Variants in TAS2R1 observed in about 807,000 individuals in gnomAD.
TAS2R1 encodes taste receptor type 2 member 1.
For missense variants in TAS2R1, 370 were observed against 353.4 expected (o/e 1.05, Z -0.38); for synonymous variants, 141 against 134.2 (o/e 1.05, Z -0.35).
chr5:9,849,182 C>A, the TAS2R1 span, among the ~76,000 whole-genome samples: 3 of 152,190 alleles, frequency 2.0e-5, no homozygotes, highest in Non-Finnish European at 2.9e-5. Context: ...TGAAAAGACA[C>A]ATGGATCAGA....
At position 9,629,116 on chromosome 5, in the gene TAS2R1, C is replaced by G; in HGVS notation, c.*17G>C. ...ATCATTGAATCATGGGTTCTTTGAA[C>G]TGATCCAACTTCTCTCTCACTGACA... On this transcript the variant is annotated 3_prime_UTR_variant, in exon 1 of 1. Coordinates refer to ENST00000382492, the MANE Select transcript of TAS2R1 (RefSeq NM_019599.3). 1 of 1,528,006 alleles carries G rather than the reference C, an allele frequency of 6.5e-7. No homozygotes were observed. Among genetic ancestry groups the G allele is most frequent in the East Asian group, 2.3e-5 (1 of 44,290 alleles). The allele number at this position is 1,528,006 out of a possible 1,614,324, so 94.7% of individuals were successfully genotyped here.
intron 1 of TAS2R1, among the ~76,000 whole-genome samples, chr5:9,706,510 G>A (rs1579793554): frequency 6.6e-6 from 1 of 152,226 alleles, no homozygotes; most frequent in East Asian, 1.9e-4. Context: ...AGCACTGGTG[G>A]GGACCAGGCT....
chr5:9,681,173 C>G (rs1343260604), intron 1 of TAS2R1, among the ~76,000 whole-genome samples: 2 of 151,966 alleles, frequency 1.3e-5, no homozygotes, highest in East Asian at 3.8e-4. Context: ...ATAAATGAAG[C>G]AAATCTGAGT....
At chr5:9,702,728 C>A (rs755195382) in intron 1 of TAS2R1, among the ~76,000 whole-genome samples, 4 of 151,954 alleles carry the variant, frequency 2.6e-5, no homozygotes, top group Non-Finnish European at 5.9e-5. Flanking sequence ...CTTGTCAAAC[C>A]AGAAGACATA....
intron 1 of TAS2R1, among the ~76,000 whole-genome samples, chr5:9,670,785 A>G (rs1740734131): frequency 2.0e-5 from 3 of 152,182 alleles, no homozygotes; most frequent in Admixed American, 2.0e-4. Flanking sequence ...TCCCTAACTC[A>G]TTGTATGAAG....
At chr5:9,893,042 C>T in the TAS2R1 span, among the ~76,000 whole-genome samples, 13 of 152,292 alleles carry the variant, frequency 8.5e-5, no homozygotes, top group African/African-American at 3.1e-4. Flanking sequence ...GCTACCAAAA[C>T]CAAGTCACTC....
At chr5:9,895,963 G>A in the TAS2R1 span, among the ~76,000 whole-genome samples, 1 of 152,242 alleles carries the variant, frequency 6.6e-6, no homozygotes, top group Non-Finnish European at 1.5e-5. Flanking sequence ...TTAGGGATGG[G>A]TCTTTACTGG....
At chr5:9,664,878 A>T (rs1740601636) in intron 1 of TAS2R1, among the ~76,000 whole-genome samples, 1 of 152,200 alleles carries the variant, frequency 6.6e-6, no homozygotes, top group Non-Finnish European at 1.5e-5. Flanking sequence ...GAACACACCT[A>T]CCATTAGATA....
intron 1 of TAS2R1, among the ~76,000 whole-genome samples, chr5:9,708,053 T>C (rs1741655708): frequency 6.6e-6 from 1 of 152,164 alleles, no homozygotes; most frequent in African/African-American, 2.4e-5. Flanking sequence ...ATATTCTGTC[T>C]TTACGGCGCA....
Position 9,629,689 on chromosome 5 carries a change from A to G in TAS2R1, c.344T>C (p.Phe115Ser). The G allele has an allele frequency of 6.2e-7, 1 of 1,614,172 alleles. No homozygotes were observed. The highest frequency in any genetic ancestry group is 8.5e-7 in the Non-Finnish European group (1 of 1,180,030). The change falls in exon 1 of 1, where the codon TTC becomes TCC. Residue 115 changes from phenylalanine (F) to serine (S), a missense_variant. Coordinates refer to ENST00000382492, the MANE Select transcript of TAS2R1 (RefSeq NM_019599.3). ...AKVASVRHPL[F>S]IWLKMRISKL... The stretch of plus-strand genomic sequence containing the variant: ...GGATATCCTCATCTTCAACCAGATG[A>G]AGAGTGGGTGACGGACGCTGGCAAC...
At chr5:9,642,387 A>T (rs1011662715) in intron 2 of TAS2R1, among the ~76,000 whole-genome samples, 1 of 152,114 alleles carries the variant, frequency 6.6e-6, no homozygotes, top group Non-Finnish European at 1.5e-5. Context: ...GAAGAAATAG[A>T]CTCTGAGCAA....
At chr5:9,886,522 C>T in the TAS2R1 span, among the ~76,000 whole-genome samples, 3 of 151,780 alleles carry the variant, frequency 2.0e-5, no homozygotes, top group Admixed American at 1.3e-4. Flanking sequence ...TTAGTAGAGA[C>T]GGGGTTTTGC....
the TAS2R1 span, among the ~76,000 whole-genome samples, chr5:9,738,503 A>G: frequency 6.6e-6 from 1 of 152,188 alleles, no homozygotes; most frequent in South Asian, 2.1e-4. Flanking sequence ...TATTATTCCA[A>G]TAACACCACC....
At chr5:9,852,850 A>AT in the TAS2R1 span, among the ~76,000 whole-genome samples, 5,930 of 139,794 alleles carry the variant, frequency 0.042, 129 homozygotes, top group Middle Eastern at 0.07. Context: ...AGGAAAAAAA[A>AT]AAATATATAT....
the TAS2R1 span, among the ~76,000 whole-genome samples, chr5:9,799,377 G>C: frequency 6.6e-6 from 1 of 152,198 alleles, no homozygotes; most frequent in Non-Finnish European, 1.5e-5. Context: ...AAGGTGAGGA[G>C]ATTTAGCCAG....
the TAS2R1 span, among the ~76,000 whole-genome samples, chr5:9,877,689 G>C: frequency 6.6e-5 from 10 of 152,224 alleles, no homozygotes; most frequent in Non-Finnish European, 1.3e-4. Context: ...CGTGTTCTGA[G>C]CGGCTCTCAT....
the TAS2R1 span, among the ~76,000 whole-genome samples, chr5:9,830,605 GCACACACA>G: frequency 2.0e-5 from 3 of 149,808 alleles, no homozygotes; most frequent in South Asian, 2.1e-4. Flanking sequence ...ACGTGCGCGC[GCACACACA>G]CACACACACA....
chr5:9,856,495 G>C, the TAS2R1 span, among the ~76,000 whole-genome samples: 1 of 152,192 alleles, frequency 6.6e-6, no homozygotes, highest in Non-Finnish European at 1.5e-5. Flanking sequence ...GTCTGGAGTA[G>C]GTATTAAAGG....
chr5:9,723,972 T>TG, the TAS2R1 span, among the ~76,000 whole-genome samples: 1,319 of 152,338 alleles, frequency 8.7e-3, 11 homozygotes, highest in Admixed American at 0.023. Context: ...CTATGACCTG[T>TG]GGAAGATGGA....
Sources: gnomAD v4.1 joint callset for allele counts (sites outside exome capture counted in the v4.1 genomes callset) on GRCh38, gnomAD v4.1.1 for gene constraint, MANE v1.5 for transcripts, NCBI Gene and HGNC (gene_info 2026-07-23, HGNC 2026-07-21) for gene names.